Variants in DHTKD1 observed in about 807,000 individuals in gnomAD.
The protein encoded by DHTKD1 is dehydrogenase E1 and transketolase domain containing 1, also known as 2-oxoadipate dehydrogenase complex component E1.
A neutral mutation model predicts 101.8 loss-of-function variants in DHTKD1; 78 were observed. The observed-to-expected ratio is 0.77, with a 90% CI of 0.64 to 0.93. The LOEUF (loss-of-function observed/expected upper bound fraction) is 0.93, where lower values mean the gene tolerates loss of function less well. DHTKD1 is among the 40% of genes least tolerant of loss of function. The pLI is 0.00. For missense variants in DHTKD1, 1,223 were observed against 1,161.7 expected, an observed-to-expected ratio of 1.05 and a Z score of -0.77; for synonymous variants, 462 against 450.3, an observed-to-expected ratio of 1.03 and a Z score of -0.33.
At chr10:12,091,750 T>C in intron 6 of DHTKD1, 66 bp downstream of exon 6, 1 of 1,409,814 alleles carries the variant, frequency 7.1e-7, no homozygotes, top group Non-Finnish European at 1.0e-6. Flanking sequence ...AAACCTCTGG[T>C]GCACACAGAA....
At chr10:12,099,793 CTTTTTTT>C (rs55758504) in intron 8 of DHTKD1, among the ~76,000 whole-genome samples, 1 of 96,184 alleles carries the variant, frequency 1.0e-5, no homozygotes, top group Non-Finnish European at 2.1e-5. Flanking sequence ...AATTTCGTTG[CTTTTTTT>C]TTTTTTTTTT....
chr10:12,119,486 G>T (rs1266984872), intron 15 of DHTKD1, among the ~76,000 whole-genome samples: 1 of 150,796 alleles, frequency 6.6e-6, no homozygotes, highest in Non-Finnish European at 1.5e-5. Context: ...CGTGGTGGCG[G>T]GCGCCTGTAG....
intron 1 of DHTKD1, among the ~76,000 whole-genome samples, chr10:12,074,202 C>G (rs80205520): frequency 1.8e-5 from 2 of 109,484 alleles, no homozygotes; most frequent in South Asian, 3.8e-4. Flanking sequence ...GTTTTGTTTT[C>G]TTTGAGACAC....
intron 5 of DHTKD1, among the ~76,000 whole-genome samples, chr10:12,089,462 C>G (rs1275686742): frequency 6.6e-6 from 1 of 152,152 alleles, no homozygotes; most frequent in African/African-American, 2.4e-5. Context: ...GCTTCCACTT[C>G]TGTTTTCCTT....
chr10:12,111,544 G>A (rs1029294456), intron 12 of DHTKD1, among the ~76,000 whole-genome samples: 9 of 152,242 alleles, frequency 5.9e-5, no homozygotes, highest in Admixed American at 4.6e-4. Flanking sequence ...GAATGGTGAT[G>A]TAGGGGTGCT....
chr10:12,104,599 T>C (rs539072047), intron 10 of DHTKD1, among the ~76,000 whole-genome samples: 1 of 152,250 alleles, frequency 6.6e-6, no homozygotes, highest in South Asian at 2.1e-4. Context: ...TTCTCATCTT[T>C]ATTTTTTCTT....
chr10:12,087,205 C>T lies in DHTKD1; in HGVS notation c.523-330C>T, dbSNP rs114248195. Among the ~76,000 whole-genome samples the T allele has an allele frequency of 7.7e-3, 1,172 of 152,144 alleles. 18 individuals are homozygous for T. Among genetic ancestry groups the T allele is most frequent in the African/African-American group, 0.027 (1,105 of 41,486 alleles). ...AGCCTTGATTCATACCGTAGAGCCC[C>T]GTGTGAAAACTGGGGTACTGGGAAG... On this transcript the variant is annotated intron_variant, in intron 3 of 16. Transcript: ENST00000263035. This position sits in a 1 kb window ranked among gnomAD's most constrained non-coding sequence, Gnocchi z 5.2.
Position 12,112,963 on chromosome 10 carries a change from A to C in DHTKD1, c.2218A>C (p.Thr740Pro), listed in dbSNP as rs767437950. ...DTVNMFVVHP[T>P]TPAQYFHLLR... Reference sequence around the variant, plus strand: ...TGTGAACATGTTTGTGGTTCACCCAACAACTCCTGCACAGTATTTCCACTT... The same window carrying C: ...TGTGAACATGTTTGTGGTTCACCCACCAACTCCTGCACAGTATTTCCACTT... Residue 740 changes from threonine (T) to proline (P), a missense_variant, in exon 13 of 17, where the codon ACA becomes CCA. Transcript: ENST00000263035. 6.2e-7 allele frequency: 1 copy of C among 1,613,740 alleles called. No homozygotes were observed. Among genetic ancestry groups the C allele is most frequent in the Non-Finnish European group, 8.5e-7 (1 of 1,179,866 alleles).
chr10:12,076,617 G>C lies in DHTKD1; in HGVS notation c.155-4855G>C, dbSNP rs542268438. Among the ~76,000 whole-genome samples, 5 of 152,260 alleles carry C rather than the reference G, an allele frequency of 3.3e-5. No individual in the cohort carries two copies. In the South Asian group the frequency reaches 6.2e-4, roughly 19 times the overall value. ...GGAGGCTGAGGCAGGAGGATCTCTC[G>C]AGCCCAGGAGTATGAGTCCAGCCTG... On this transcript the variant is annotated intron_variant, in intron 1 of 16. Coordinates refer to ENST00000263035, the MANE Select transcript of DHTKD1 (RefSeq NM_018706.7).
intron 9 of DHTKD1, 23 bp downstream of exon 9, chr10:12,100,285 C>CTATTTTTTTT: frequency 4.4e-6 from 1 of 228,238 alleles, no homozygotes; most frequent in Non-Finnish European, 7.2e-6. Context: ...TTTTTTTTTT[C>CTATTTTTTTT]TGTTTTTTTT....
At chr10:12,090,649 A>G (rs1426785649) in intron 5 of DHTKD1, among the ~76,000 whole-genome samples, 1 of 151,892 alleles carries the variant, frequency 6.6e-6, no homozygotes, top group African/African-American at 2.4e-5. Context: ...TACCTGGCTG[A>G]TTTATTTTAT....
chr10:12,102,692 T>C (rs1833189576), intron 10 of DHTKD1, among the ~76,000 whole-genome samples: 1 of 152,162 alleles, frequency 6.6e-6, no homozygotes, highest in Non-Finnish European at 1.5e-5. Context: ...TTGTGGATAC[T>C]GTTGAAGATT....
intron 13 of DHTKD1, among the ~76,000 whole-genome samples, chr10:12,115,616 C>T (rs896021689): frequency 6.6e-6 from 1 of 152,142 alleles, no homozygotes; most frequent in African/African-American, 2.4e-5. Flanking sequence ...ATTTTTAGTT[C>T]ACTTATAGTG....
chr10:12,090,432 C>CTTCCTTCCTTCTTT (rs778525811), intron 5 of DHTKD1, among the ~76,000 whole-genome samples: 1,881 of 93,500 alleles, frequency 0.02, 28 homozygotes, highest in Middle Eastern at 0.033. Flanking sequence ...TTCCTTTTTC[C>CTTCCTTCCTTCTTT]TTCCTTCCTT....
Position 12,112,960 on chromosome 10 carries a change from C to G in DHTKD1, c.2215C>G (p.Pro739Ala). 6.2e-7 allele frequency: 1 copy of G among 1,613,430 alleles called. No individual in the cohort carries two copies. The highest frequency in any genetic ancestry group is 8.5e-7 in the Non-Finnish European group (1 of 1,179,742). Residue 739 changes from proline (P) to alanine (A), a missense_variant, in exon 13 of 17, where the codon CCA becomes GCA. Pro to Ala is a conservative substitution (Grantham distance 27). Transcript: ENST00000263035. ...GDTVNMFVVH[P>A]TTPAQYFHLL... The stretch of plus-strand genomic sequence containing the variant: ...CACTGTGAACATGTTTGTGGTTCAC[C>G]CAACAACTCCTGCACAGTATTTCCA...
rs1221040101 is a variant in DHTKD1, at chr10:12,069,119, G to T, written c.86G>T (p.Gly29Val). The stretch of plus-strand genomic sequence containing the variant: ...TGGCGTGGCTACCAGACCGAGCGGG[G>T]CGTTTACGGCTACCGGCCGAGGAAG... The part of the protein sequence containing the change: ...LFWRGYQTER[G>V]VYGYRPRKPE... The change falls in exon 1 of 17, where the codon GGC (glycine) becomes GTC (valine). Residue 29 changes from glycine (G) to valine (V), a missense_variant. By Grantham distance (109) the Gly-to-Val change is moderately radical (BLOSUM62 -3). Coordinates refer to ENST00000263035, the MANE Select transcript of DHTKD1 (RefSeq NM_018706.7). 1.2e-6 allele frequency: 2 copies of T among 1,607,866 alleles called. No homozygotes were observed. The highest frequency in any genetic ancestry group is 2.2e-5 in the South Asian group (2 of 90,248).
At chr10:12,109,016 G>A (rs1375744220) in intron 12 of DHTKD1, among the ~76,000 whole-genome samples, 1 of 152,046 alleles carries the variant, frequency 6.6e-6, no homozygotes, top group African/African-American at 2.4e-5. Flanking sequence ...GCCATGTGTA[G>A]TGGCTCATCC....
intron 5 of DHTKD1, among the ~76,000 whole-genome samples, chr10:12,090,393 CTTCCTTCCTTCCTTTT>C (rs1368688529): frequency 3.8e-5 from 5 of 132,412 alleles, no homozygotes; most frequent in African/African-American, 1.1e-4. Flanking sequence ...TCCTTTTTTC[CTTCCTTCCTTCCTTTT>C]TTCCTTCCTT....
intron 1 of DHTKD1, among the ~76,000 whole-genome samples, chr10:12,075,810 TGAA>T (rs1832718034): frequency 6.6e-6 from 1 of 152,188 alleles, no homozygotes; most frequent in Admixed American, 6.6e-5. Context: ...GTAATACAGT[TGAA>T]GTACGTTTTA....
Sources: gnomAD v4.1 joint callset for allele counts (sites outside exome capture counted in the v4.1 genomes callset) on GRCh38, gnomAD v4.1.1 for gene constraint, Gnocchi (gnomAD v3.1) non-coding constraint, MANE v1.5 for transcripts, NCBI Gene and HGNC (gene_info 2026-07-23, HGNC 2026-07-21) for gene names.